WDR25: variants seen among roughly 807,000 people sequenced by gnomAD.
The protein encoded by WDR25 is WD repeat-containing protein 25.
A neutral mutation model predicts 47.7 loss-of-function variants in WDR25; 35 were observed. The ratio of observed to expected loss-of-function variants is 0.73; its 90% confidence interval spans 0.56 to 0.97. WDR25 has a LOEUF of 0.97. Ranked by LOEUF, WDR25 falls within the 50% of genes least tolerant of loss-of-function variation. The probability of loss-of-function intolerance (pLI) is 0.00; values close to 1 mark genes in which losing one functional copy is unlikely to be tolerated. For synonymous variants in WDR25, 248 were observed against 278.9 expected (o/e 0.89, Z 1.10); for missense variants, 634 against 704.7 (o/e 0.90, Z 1.14).
intron 2 of WDR25, among the ~76,000 whole-genome samples, chr14:100,447,766 C>T (rs1352390896): frequency 1.3e-5 from 2 of 152,212 alleles, no homozygotes; most frequent in African/African-American, 4.8e-5. Flanking sequence ...TACTCCTTCC[C>T]ACCGTGCTGA....
intron 2 of WDR25, among the ~76,000 whole-genome samples, chr14:100,418,780 A>G (rs1460835143): frequency 6.6e-6 from 1 of 151,208 alleles, no homozygotes; most frequent in Non-Finnish European, 1.5e-5. Context: ...GGGGGGTCCT[A>G]CTCACGCCAC....
At chr14:100,423,282 G>C (rs1025062674) in intron 2 of WDR25, among the ~76,000 whole-genome samples, 4 of 152,018 alleles carry the variant, frequency 2.6e-5, no homozygotes, top group African/African-American at 7.2e-5. Context: ...TGTTATAATA[G>C]CGTGTGCATG....
At chr14:100,458,248 G>C (rs1367941875) in intron 2 of WDR25, among the ~76,000 whole-genome samples, 1 of 152,102 alleles carries the variant, frequency 6.6e-6, no homozygotes, top group Non-Finnish European at 1.5e-5. Context: ...ACATAGACAA[G>C]AGCAGATTTC....
intron 2 of WDR25, among the ~76,000 whole-genome samples, chr14:100,398,741 C>G (rs558191032): frequency 6.8e-6 from 1 of 147,494 alleles, no homozygotes; most frequent in South Asian, 2.2e-4. Flanking sequence ...TTAGAGAGCT[C>G]TTGCTATTTA....
At chr14:100,487,510 A>G (rs1002978420) in intron 4 of WDR25, 6 of 152,382 alleles carry the variant, frequency 3.9e-5, no homozygotes, top group African/African-American at 1.2e-4. Context: ...ACAAAACCAA[A>G]GATATTTAAG....
chr14:100,398,900 A>G (rs1223500915), intron 2 of WDR25, among the ~76,000 whole-genome samples: 1 of 150,784 alleles, frequency 6.6e-6, no homozygotes, highest in Non-Finnish European at 1.5e-5. Context: ...CCTTGAAGCT[A>G]CAGTTAAGCT....
chr14:100,398,486 A>G (rs1342856416), intron 2 of WDR25, among the ~76,000 whole-genome samples: 1 of 152,082 alleles, frequency 6.6e-6, no homozygotes, highest in Non-Finnish European at 1.5e-5. Flanking sequence ...TTTCTTGTAA[A>G]ACTTTAAAAA....
At chr14:100,521,395 G>T (rs2140383599) in intron 4 of WDR25, among the ~76,000 whole-genome samples, 1 of 152,160 alleles carries the variant, frequency 6.6e-6, no homozygotes, top group South Asian at 2.1e-4. Flanking sequence ...CCCCCATTCT[G>T]CTCCCCTCCC....
chr14:100,500,511 C>T lies in WDR25; in HGVS notation c.1101+16387C>T, dbSNP rs1164175803. 1.3e-5 allele frequency among the ~76,000 whole-genome samples: 2 copies of T among 152,112 alleles called. No individual in the cohort carries two copies. Among genetic ancestry groups the T allele is most frequent in the East Asian group, 1.9e-4 (1 of 5,190 alleles). ...GCACCACAAAGTGGCCTTTTTTGGT[C>T]CCTGTTGACCCTGTGCCTCATTAGA... On this transcript the variant is annotated intron_variant, in intron 4 of 6. Coordinates refer to ENST00000402312, the MANE Select transcript of WDR25 (RefSeq NM_001161476.3). The surrounding 1 kb of genome is among the most constrained non-coding windows in gnomAD (Gnocchi z 4.7).
At position 100,529,342 on chromosome 14, in the gene WDR25, A is replaced by T; in HGVS notation, c.1413+134A>T. On this transcript the variant is annotated intron_variant, in intron 6 of 6. Coordinates refer to ENST00000402312, the MANE Select transcript of WDR25 (RefSeq NM_001161476.3). The surrounding 1 kb of genome is among the most constrained non-coding windows in gnomAD (Gnocchi z 5.1). ...TGCTTTCTGTTTCCTGGGTGAGCGC[A>T]TGCCATGTGGCTCACTGTCTCTTCA... The T allele has an allele frequency of 7.4e-7, 1 of 1,351,958 alleles. No individual in the cohort carries two copies. Among genetic ancestry groups the T allele is most frequent in the Non-Finnish European group, 1.0e-6 (1 of 989,690 alleles). 83.7% of individuals were successfully genotyped at this position (1,351,958 alleles called of 1,614,324 possible). A position where few individuals can be genotyped will look rare whatever the true frequency, so the allele number is the denominator to read the frequency against.
At position 100,500,454 on chromosome 14, in the gene WDR25, G is replaced by A. The variant is rs539268021; in HGVS notation, c.1101+16330G>A. Among the ~76,000 whole-genome samples the A allele has an allele frequency of 2.6e-5, 4 of 152,316 alleles. No individual in the cohort carries two copies. In the South Asian group the frequency reaches 8.3e-4, roughly 32 times the overall value. On this transcript the variant is annotated intron_variant, in intron 4 of 6. Coordinates refer to ENST00000402312, the MANE Select transcript of WDR25 (RefSeq NM_001161476.3). The surrounding 1 kb of genome is among the most constrained non-coding windows in gnomAD (Gnocchi z 4.7). ...GTCAGATGGAGGCATGCCGGGCACG[G>A]GGCATTCTCTGTGGCCCAGCCCAAG...
Position 100,404,983 on chromosome 14 carries a change from A to G in WDR25, c.822+23237A>G, listed in dbSNP as rs1256933112. Among the ~76,000 whole-genome samples the G allele has an allele frequency of 6.6e-6, 1 of 152,108 alleles. No homozygotes were observed. The highest frequency in any genetic ancestry group is 1.5e-5 in the Non-Finnish European group (1 of 68,016). On this transcript the variant is annotated intron_variant, in intron 2 of 6. Transcript: ENST00000402312. This position sits in a 1 kb window ranked among gnomAD's most constrained non-coding sequence, Gnocchi z 4.6. ...CTAGTTCTGTCTTTCCTGTGCTCGC[A>G]GAATCTGTCTGTCCTCTTGCCCCCA... is the stretch of plus-strand genomic sequence containing the variant.
At chr14:100,491,945 CTG>C (rs1438912834) in intron 4 of WDR25, among the ~76,000 whole-genome samples, 4 of 152,356 alleles carry the variant, frequency 2.6e-5, no homozygotes, top group Non-Finnish European at 4.4e-5. Context: ...GTTCAGCTGT[CTG>C]TGCAGGGTAG....
At position 100,525,415 on chromosome 14, in the gene WDR25, A is replaced by T. The variant is rs1258304050; in HGVS notation, c.1102-455A>T. On this transcript the variant is annotated intron_variant, in intron 4 of 6. Coordinates refer to ENST00000402312, the MANE Select transcript of WDR25 (RefSeq NM_001161476.3). The surrounding 1 kb of genome is among the most constrained non-coding windows in gnomAD (Gnocchi z 4.6). ...GGCTTTATGGTCTGTCCCCAAGCAC[A>T]CTTGCTCCTGCATTACTGTGGCTCC... is the stretch of plus-strand genomic sequence containing the variant. 6.6e-6 allele frequency among the ~76,000 whole-genome samples: 1 copy of T among 152,208 alleles called. No individual in the cohort carries two copies. The highest frequency in any genetic ancestry group is 2.4e-5 in the African/African-American group (1 of 41,448).
At chr14:100,515,990 C>T (rs1401857128) in intron 4 of WDR25, among the ~76,000 whole-genome samples, 2 of 144,332 alleles carry the variant, frequency 1.4e-5, no homozygotes, top group East Asian at 1.9e-4. Context: ...TTTCTATTGA[C>T]AGATTTTTTT....
intron 2 of WDR25, among the ~76,000 whole-genome samples, chr14:100,453,740 T>C (rs1899114896): frequency 6.6e-6 from 1 of 152,212 alleles, no homozygotes; most frequent in African/African-American, 2.4e-5. Flanking sequence ...GTGTAGCTGA[T>C]GGCCCCCAGA....
chr14:100,424,885 G>A lies in WDR25; in HGVS notation c.823-43136G>A, dbSNP rs974839800. Reference sequence around the variant, plus strand: ...AGGTGATGCCTTTCCCAGGACATGTGCTCCTGTTGCCCTGCCCCTCCTGGC... The same window carrying A: ...AGGTGATGCCTTTCCCAGGACATGTACTCCTGTTGCCCTGCCCCTCCTGGC... On this transcript the variant is annotated intron_variant, in intron 2 of 6. Coordinates refer to ENST00000402312, the MANE Select transcript of WDR25 (RefSeq NM_001161476.3). This position sits in a 1 kb window ranked among gnomAD's most constrained non-coding sequence, Gnocchi z 4.2. Among the ~76,000 whole-genome samples the A allele has an allele frequency of 2.0e-5, 3 of 152,168 alleles. No individual in the cohort carries two copies. The highest frequency in any genetic ancestry group is 7.2e-5 in the African/African-American group (3 of 41,424).
chr14:100,493,291 C>T lies in WDR25; in HGVS notation c.1101+9167C>T, dbSNP rs111916743. Among the ~76,000 whole-genome samples, 1,148 of 152,318 alleles carry T rather than the reference C, an allele frequency of 7.5e-3. 5 individuals carry two copies. The highest frequency in any genetic ancestry group is 0.027 in the Middle Eastern group (8 of 292). ...TTTTTTAGCAGCCATGCCTATCCCC[C>T]CAGTGCCCCAGCCCCTGGCAACCAT... On this transcript the variant is annotated intron_variant, in intron 4 of 6. Coordinates refer to ENST00000402312, the MANE Select transcript of WDR25 (RefSeq NM_001161476.3).
chr14:100,475,159 G>A (rs1412606093), intron 3 of WDR25, among the ~76,000 whole-genome samples: 1 of 152,220 alleles, frequency 6.6e-6, no homozygotes, highest in Non-Finnish European at 1.5e-5. Flanking sequence ...GTGAGGATGT[G>A]GAGAAAAGGG....
Sources: allele counts gnomAD v4.1 joint callset (sites outside exome capture counted in the v4.1 genomes callset), GRCh38; gene constraint gnomAD v4.1.1; non-coding constraint Gnocchi (gnomAD v3.1); transcripts MANE v1.5; gene names NCBI Gene and HGNC (gene_info 2026-07-23, HGNC 2026-07-21).